The following TCF7L1 variants were observed in gnomAD, a reference collection of about 807,000 sequenced individuals.
TCF7L1 encodes transcription factor 7-like 1.
Under a neutral mutation model 63.7 loss-of-function variants are expected in TCF7L1, and 18 were observed. The observed-to-expected ratio is 0.28, with a 90% CI of 0.20 to 0.42. The LOEUF is 0.42. TCF7L1 is among the 10% of genes least tolerant of loss of function. TCF7L1 has a pLI of 1.00. For synonymous variants in TCF7L1, 355 were observed against 340.9 expected, an observed-to-expected ratio of 1.04 and a Z score of -0.46; for missense variants, 654 against 779.3, an observed-to-expected ratio of 0.84 and a Z score of 1.91.
At chr2:85,303,479 G>A (rs952719432) in intron 5 of TCF7L1, 2 of 160,646 alleles carry the variant, frequency 1.2e-5, no homozygotes. Context: ...GTCACTACAA[G>A]TTACAGATAA....
At chr2:85,221,961 C>T (rs891408272) in intron 3 of TCF7L1, among the ~76,000 whole-genome samples, 5 of 149,332 alleles carry the variant, frequency 3.3e-5, no homozygotes, top group African/African-American at 1.2e-4. Context: ...GGAACAATAA[C>T]TTGGTTTCCT....
chr2:85,232,179 C>T (rs560958843), intron 3 of TCF7L1, among the ~76,000 whole-genome samples: 12 of 152,242 alleles, frequency 7.9e-5, no homozygotes, highest in East Asian at 3.9e-4. Context: ...TTGAGGCTGT[C>T]GTGCAATCCA....
In TCF7L1 at chr2:85,133,709, GGCGGCGGCGGCGGCGGCA is replaced by G; in HGVS notation, c.30_47del (p.Gly16_Ser21del). On this transcript the variant is annotated inframe_deletion, in exon 1 of 12. Transcript: ENST00000282111. This position sits in a 1 kb window ranked among gnomAD's most constrained non-coding sequence, Gnocchi z 4.4. The stretch of plus-strand genomic sequence containing the variant: ...CATGCCCCAGCTCGGCGGCGGGGGC[GGCGGCGGCGGCGGCGGCA>G]GCGGGGGAGGCGGCGGCTCCAGCGC... 2.1e-6 allele frequency: 2 copies of G among 959,222 alleles called. No individual in the cohort carries two copies. The highest frequency in any genetic ancestry group is 2.4e-6 in the Non-Finnish European group (2 of 826,022). 59.4% of individuals were successfully genotyped at this position (959,222 alleles called of 1,614,324 possible). A position where few individuals can be genotyped will look rare whatever the true frequency, so the allele number is the denominator to read the frequency against.
In TCF7L1 at chr2:85,309,814, GC is replaced by G; in HGVS notation, c.*356del. ...CTGTCTCTTCTCGCCCCTGCCGCCTGCCCCAGCTTCCCCGACTCCATCTGCA... is the reference window on the plus strand; with the variant it reads ...CTGTCTCTTCTCGCCCCTGCCGCCTGCCCAGCTTCCCCGACTCCATCTGCA... On this transcript the variant is annotated 3_prime_UTR_variant, in exon 12 of 12. Coordinates refer to ENST00000282111, the MANE Select transcript of TCF7L1 (RefSeq NM_031283.3). The G allele has an allele frequency of 4.3e-6, 1 of 230,372 alleles. No homozygotes were observed. Among genetic ancestry groups the G allele is most frequent in the Non-Finnish European group, 8.4e-6 (1 of 119,278 alleles). The allele number at this position is 230,372 out of a possible 1,614,324, so 14.3% of individuals were successfully genotyped here.
intron 10 of TCF7L1, 42 bp from the exon 11 acceptor site, chr2:85,307,600 C>A (rs935885942): frequency 1.9e-6 from 3 of 1,585,144 alleles, no homozygotes. Flanking sequence ...AGCCAGCATT[C>A]TTCTCTCCCA....
Position 85,133,682 on chromosome 2 carries a change from A to G in TCF7L1, c.-3A>G, listed in dbSNP as rs1677511018. On this transcript the variant is annotated 5_prime_UTR_variant, in exon 1 of 12. Coordinates refer to ENST00000282111, the MANE Select transcript of TCF7L1 (RefSeq NM_031283.3). This position sits in a 1 kb window ranked among gnomAD's most constrained non-coding sequence, Gnocchi z 4.4. ...AGCGGCGGCCCCGGCCCGCGGCCCC[A>G]CCATGCCCCAGCTCGGCGGCGGGGG... 1.0e-6 allele frequency: 1 copy of G among 972,142 alleles called. No homozygotes were observed. The highest frequency in any genetic ancestry group is 1.8e-5 in the African/African-American group (1 of 55,228). 60.2% of individuals were successfully genotyped at this position (972,142 alleles called of 1,614,324 possible). A position where few individuals can be genotyped will look rare whatever the true frequency, so the allele number is the denominator to read the frequency against.
At chr2:85,176,846 G>A (rs1574091719) in intron 3 of TCF7L1, among the ~76,000 whole-genome samples, 1 of 152,098 alleles carries the variant, frequency 6.6e-6, no homozygotes, top group South Asian at 2.1e-4. Context: ...AATTAGCCTG[G>A]TGTGGTGGCA....
At chr2:85,256,884 G>A (rs544639353) in intron 3 of TCF7L1, among the ~76,000 whole-genome samples, 1 of 152,188 alleles carries the variant, frequency 6.6e-6, no homozygotes, top group South Asian at 2.1e-4. Context: ...TCGGGAAGCT[G>A]AGGCAGGAGA....
intron 3 of TCF7L1, among the ~76,000 whole-genome samples, chr2:85,268,657 G>T (rs892511427): frequency 6.6e-6 from 1 of 151,846 alleles, no homozygotes; most frequent in Non-Finnish European, 1.5e-5. Flanking sequence ...GGCCAGGCTG[G>T]TGTCGAACTC....
intron 3 of TCF7L1, among the ~76,000 whole-genome samples, chr2:85,171,209 A>T (rs923950440): frequency 2.6e-5 from 4 of 152,188 alleles, no homozygotes; most frequent in Admixed American, 6.5e-5. Context: ...TGTCACGTGA[A>T]CAGCATGGGA....
chr2:85,206,985 C>T (rs548623166), intron 3 of TCF7L1, among the ~76,000 whole-genome samples: 3 of 152,298 alleles, frequency 2.0e-5, no homozygotes, highest in Admixed American at 1.3e-4. Context: ...AAGGCGCGTG[C>T]GTGGTATTCT....
At chr2:85,144,054 A>T (rs1677808356) in intron 3 of TCF7L1, among the ~76,000 whole-genome samples, 1 of 152,170 alleles carries the variant, frequency 6.6e-6, no homozygotes, top group Admixed American at 6.5e-5. Context: ...TACGCAAACG[A>T]ATGTTTGGTG....
chr2:85,202,962 T>C (rs1679308588), intron 3 of TCF7L1, among the ~76,000 whole-genome samples: 1 of 152,164 alleles, frequency 6.6e-6, no homozygotes, highest in Non-Finnish European at 1.5e-5. Context: ...GCCTCCCAAG[T>C]AGCTGGGACT....
chr2:85,237,980 C>G (rs770354258), intron 3 of TCF7L1, among the ~76,000 whole-genome samples: 1 of 152,086 alleles, frequency 6.6e-6, no homozygotes, highest in African/African-American at 2.4e-5. Flanking sequence ...CAGGACCCAA[C>G]AGGTGGTGGC....
At chr2:85,150,237 T>A (rs2104203706) in intron 3 of TCF7L1, among the ~76,000 whole-genome samples, 1 of 143,750 alleles carries the variant, frequency 7.0e-6, no homozygotes, top group Middle Eastern at 3.7e-3. Flanking sequence ...TTCTTGACTC[T>A]TTTTTTTTTT....
At chr2:85,196,598 G>C (rs1035185445) in intron 3 of TCF7L1, among the ~76,000 whole-genome samples, 1 of 151,290 alleles carries the variant, frequency 6.6e-6, no homozygotes, top group African/African-American at 2.4e-5. Flanking sequence ...TTAAACGTTT[G>C]ACCCCAAGTG....
chr2:85,193,454 G>A (rs571531844), intron 3 of TCF7L1, among the ~76,000 whole-genome samples: 2 of 152,168 alleles, frequency 1.3e-5, no homozygotes, highest in Non-Finnish European at 2.9e-5. Context: ...GGAGGCCAAG[G>A]TGGCAGGATT....
chr2:85,250,923 A>C (rs746918220), intron 3 of TCF7L1, among the ~76,000 whole-genome samples: 13 of 152,208 alleles, frequency 8.5e-5, no homozygotes, highest in Non-Finnish European at 1.6e-4. Context: ...GGCAAAGGAG[A>C]AACTGTAGTC....
intron 3 of TCF7L1, among the ~76,000 whole-genome samples, chr2:85,160,927 C>G (rs1302886831): frequency 6.6e-6 from 1 of 152,228 alleles, no homozygotes; most frequent in Non-Finnish European, 1.5e-5. Context: ...ACCCGCACAT[C>G]ATTCCTGTTT....
Sources: gnomAD v4.1 joint callset for allele counts (sites outside exome capture counted in the v4.1 genomes callset) on GRCh38, gnomAD v4.1.1 for gene constraint, Gnocchi (gnomAD v3.1) non-coding constraint, MANE v1.5 for transcripts, NCBI Gene and HGNC (gene_info 2026-07-23, HGNC 2026-07-21) for gene names.